SH3GL2: variants seen among roughly 807,000 people sequenced by gnomAD.
SH3GL2 encodes the protein endophilin-A1.
SH3GL2 carries 24 observed loss-of-function variants against 46.0 expected under a neutral mutation model. That is an observed-to-expected ratio of 0.52 (90% CI 0.38 to 0.73). SH3GL2 has a LOEUF of 0.73. Ranked by LOEUF, SH3GL2 falls within the 30% of genes least tolerant of loss-of-function variation. The pLI, the probability that SH3GL2 is intolerant of heterozygous loss-of-function variation, is 0.00. For synonymous variants in SH3GL2, 196 were observed against 147.1 expected, an observed-to-expected ratio of 1.33 and a Z score of -2.40; for missense variants, 413 against 424.2, an observed-to-expected ratio of 0.97 and a Z score of 0.23.
chr9:17,700,683 G>A (rs930542879), intron 1 of SH3GL2, among the ~76,000 whole-genome samples: 1 of 151,866 alleles, frequency 6.6e-6, no homozygotes, highest in Admixed American at 6.6e-5. Context: ...GATTTCTAAC[G>A]TCTCCTAGAA....
intron 1 of SH3GL2, among the ~76,000 whole-genome samples, chr9:17,602,146 C>T (rs1818683548): frequency 1.3e-5 from 2 of 152,152 alleles, no homozygotes; most frequent in South Asian, 4.1e-4. Context: ...GACAATCAGA[C>T]GTCTTTAAAG....
At chr9:17,666,447 G>A (rs941812849) in intron 1 of SH3GL2, among the ~76,000 whole-genome samples, 2 of 151,796 alleles carry the variant, frequency 1.3e-5, no homozygotes, top group African/African-American at 2.4e-5. Context: ...ATAGGTAACT[G>A]GTATCATTAG....
At chr9:17,597,544 A>G (rs978124319) in intron 1 of SH3GL2, among the ~76,000 whole-genome samples, 30 of 152,060 alleles carry the variant, frequency 2.0e-4, no homozygotes, top group African/African-American at 5.6e-4. Context: ...CTATATAACA[A>G]TGATTTTTTG....
At chr9:17,672,640 C>T (rs890732770) in intron 1 of SH3GL2, among the ~76,000 whole-genome samples, 1 of 152,072 alleles carries the variant, frequency 6.6e-6, no homozygotes, top group Non-Finnish European at 1.5e-5. Context: ...GCCACCCACC[C>T]CCTTCACCCA....
intron 1 of SH3GL2, among the ~76,000 whole-genome samples, chr9:17,727,119 G>A (rs898939269): frequency 6.6e-6 from 1 of 152,134 alleles, no homozygotes; most frequent in Admixed American, 6.5e-5. Flanking sequence ...AGTGGAACAC[G>A]ATGCAGCAGT....
intron 1 of SH3GL2, among the ~76,000 whole-genome samples, chr9:17,614,303 A>G (rs904838726): frequency 1.4e-4 from 21 of 149,156 alleles, no homozygotes; most frequent in Non-Finnish European, 2.7e-4. Context: ...CTGAAAAAAA[A>G]AAAAAAAAAA....
chr9:17,737,895 C>G (rs1536067), intron 1 of SH3GL2, among the ~76,000 whole-genome samples: 101,594 of 151,802 alleles, frequency 0.67, 34,318 homozygotes, highest in Admixed American at 0.76. Context: ...TGTAATAAAG[C>G]TTCTTCCCTA....
At chr9:17,740,001 A>G (rs751177259) in intron 1 of SH3GL2, among the ~76,000 whole-genome samples, 6 of 151,948 alleles carry the variant, frequency 3.9e-5, no homozygotes, top group Non-Finnish European at 1.5e-5. Flanking sequence ...ACTCACTCAA[A>G]CTCATTTTAA....
chr9:17,723,204 GTATTTTTTA>G (rs1563827376), intron 1 of SH3GL2, among the ~76,000 whole-genome samples: 1 of 151,948 alleles, frequency 6.6e-6, no homozygotes, highest in Non-Finnish European at 1.5e-5. Context: ...CTCACCTTAA[GTATTTTTTA>G]TGTTTTTTAT....
intron 1 of SH3GL2, among the ~76,000 whole-genome samples, chr9:17,684,133 A>G (rs926377004): frequency 6.6e-6 from 1 of 152,190 alleles, no homozygotes; most frequent in East Asian, 1.9e-4. Flanking sequence ...ACCAGATGTT[A>G]GAACTATCAG....
intron 1 of SH3GL2, among the ~76,000 whole-genome samples, chr9:17,745,524 A>G (rs192452420): frequency 2.1e-4 from 32 of 152,070 alleles, no homozygotes; most frequent in South Asian, 1.9e-3. Flanking sequence ...TATTTCTCCT[A>G]TTTCTACTGA....
At chr9:17,645,694 T>C (rs1011308686) in intron 1 of SH3GL2, among the ~76,000 whole-genome samples, 4 of 152,186 alleles carry the variant, frequency 2.6e-5, no homozygotes, top group Non-Finnish European at 5.9e-5. Context: ...ATGTTGAATA[T>C]TGGCCCCCAC....
At chr9:17,693,077 T>C (rs567514940) in intron 1 of SH3GL2, among the ~76,000 whole-genome samples, 2 of 152,258 alleles carry the variant, frequency 1.3e-5, no homozygotes, top group South Asian at 4.1e-4. Context: ...CCAAACCATA[T>C]CAAATAGTGT....
intron 3 of SH3GL2, among the ~76,000 whole-genome samples, chr9:17,781,754 CAGGTACCT>C (rs1238804997): frequency 1.7e-4 from 26 of 152,094 alleles, no homozygotes; most frequent in Admixed American, 1.7e-3. Flanking sequence ...TCAGATTCTC[CAGGTACCT>C]AGAATGGCCT....
chr9:17,668,196 TC>T lies in SH3GL2; in HGVS notation c.46-78868del, dbSNP rs533287141. Among the ~76,000 whole-genome samples the T allele has an allele frequency of 5.9e-5, 9 of 152,358 alleles. No individual in the cohort carries two copies. In the South Asian group the frequency reaches 1.2e-3, roughly 21 times the overall value. On this transcript the variant is annotated intron_variant, in intron 1 of 8. Transcript: ENST00000380607. ...TCATATCTGAGAAGCCACTGCTTAATCCAAGTTTACAAAGACTAATGACGAT... is the reference window on the plus strand; with the variant it reads ...TCATATCTGAGAAGCCACTGCTTAATCAAGTTTACAAAGACTAATGACGAT...
intron 1 of SH3GL2, among the ~76,000 whole-genome samples, chr9:17,633,152 G>A (rs752796004): frequency 2.0e-5 from 3 of 152,178 alleles, no homozygotes; most frequent in Non-Finnish European, 4.4e-5. Flanking sequence ...TCTCAAGTGA[G>A]TGTGCCCTCA....
chr9:17,738,204 A>C (rs1361121790), intron 1 of SH3GL2, among the ~76,000 whole-genome samples: 2 of 152,034 alleles, frequency 1.3e-5, no homozygotes, highest in African/African-American at 2.4e-5. Flanking sequence ...TGCTATATTC[A>C]TTCCATTTGG....
At chr9:17,588,453 C>A (rs1205114246) in intron 1 of SH3GL2, among the ~76,000 whole-genome samples, 1 of 152,106 alleles carries the variant, frequency 6.6e-6, no homozygotes, top group African/African-American at 2.4e-5. Context: ...GATATTTTCT[C>A]TGGCTGGTAG....
At chr9:17,643,050 C>T (rs575525064) in intron 1 of SH3GL2, among the ~76,000 whole-genome samples, 1 of 152,086 alleles carries the variant, frequency 6.6e-6, no homozygotes, top group African/African-American at 2.4e-5. Context: ...TGTTTGTGTC[C>T]TCTGTTATTT....
Sources: allele counts gnomAD v4.1 joint callset (sites outside exome capture counted in the v4.1 genomes callset), GRCh38; gene constraint gnomAD v4.1.1; transcripts MANE v1.5; gene names NCBI Gene and HGNC (gene_info 2026-07-23, HGNC 2026-07-21).